The following NTM variants were observed in gnomAD, a reference collection of about 807,000 sequenced individuals.
NTM encodes the protein IgLON family member 2.
NTM carries 13 observed loss-of-function variants against 42.1 expected under a neutral mutation model. The ratio of observed to expected loss-of-function variants is 0.31; its 90% CI spans 0.20 to 0.49. The LOEUF is 0.49. NTM is among the 20% of genes least tolerant of loss of function. The pLI, the probability that NTM is intolerant of heterozygous loss-of-function variation, is 0.99. For missense variants in NTM, 373 were observed against 452.8 expected, an observed-to-expected ratio of 0.82 and a Z score of 1.60; for synonymous variants, 187 against 179.2, an observed-to-expected ratio of 1.04 and a Z score of -0.35.
In NTM at chr11:131,541,079, T is replaced by C. The variant is rs181263336; in HGVS notation, c.82+170191T>C. 3.3e-5 allele frequency among the ~76,000 whole-genome samples: 5 copies of C among 152,310 alleles called. No individual in the cohort carries two copies. In the East Asian group the frequency reaches 9.6e-4, roughly 29 times the overall value. ...AGCTGATTATTCATTAGGCATCAAA[T>C]CAATCCCCGTGCTTCTTCATTACTC... On this transcript the variant is annotated intron_variant, in intron 1 of 8. Transcript: ENST00000683400.
intron 1 of NTM, among the ~76,000 whole-genome samples, chr11:131,551,919 C>A (rs1005301884): frequency 1.3e-5 from 2 of 152,194 alleles, no homozygotes; most frequent in African/African-American, 4.8e-5. Context: ...AAAAGAGGCG[C>A]AGACCTCTTT....
At chr11:132,235,518 A>G (rs1456871830) in intron 4 of NTM, among the ~76,000 whole-genome samples, 3 of 152,210 alleles carry the variant, frequency 2.0e-5, no homozygotes, top group Non-Finnish European at 4.4e-5. Context: ...AAACAAAACT[A>G]TAAAAAGGAA....
intron 1 of NTM, among the ~76,000 whole-genome samples, chr11:131,600,012 G>A (rs780716503): frequency 6.6e-6 from 1 of 152,246 alleles, no homozygotes; most frequent in Admixed American, 6.5e-5. Flanking sequence ...TTCTCCAAAA[G>A]AGTACACATC....
chr11:131,752,089 A>T (rs1369911018), intron 1 of NTM, among the ~76,000 whole-genome samples: 1 of 152,202 alleles, frequency 6.6e-6, no homozygotes, highest in Admixed American at 6.5e-5. Flanking sequence ...TAATGGCTAG[A>T]AGTTGAAAGA....
chr11:132,142,927 G>A (rs553911491), intron 2 of NTM, among the ~76,000 whole-genome samples: 17 of 152,226 alleles, frequency 1.1e-4, no homozygotes, highest in East Asian at 3.9e-4. Context: ...CAGTCCTCTC[G>A]TGTTCATCGG....
chr11:131,513,551 G>A (rs1030568590), intron 1 of NTM, among the ~76,000 whole-genome samples: 10 of 152,182 alleles, frequency 6.6e-5, no homozygotes, highest in Non-Finnish European at 1.0e-4. Context: ...GACTGAGAGC[G>A]GCTTCCTTCC....
At chr11:131,978,450 T>G (rs1216360155) in intron 2 of NTM, among the ~76,000 whole-genome samples, 1 of 152,114 alleles carries the variant, frequency 6.6e-6, no homozygotes, top group Admixed American at 6.6e-5. Context: ...TATTAAGAAA[T>G]TAAAGCAAAC....
intron 1 of NTM, among the ~76,000 whole-genome samples, chr11:131,857,823 C>T (rs1368329351): frequency 6.6e-6 from 1 of 152,194 alleles, no homozygotes; most frequent in Admixed American, 6.5e-5. Context: ...CAATCATCCT[C>T]CCTGCACCCT....
intron 4 of NTM, among the ~76,000 whole-genome samples, chr11:132,242,384 T>G (rs918531888): frequency 1.3e-5 from 2 of 152,152 alleles, no homozygotes; most frequent in African/African-American, 4.8e-5. Context: ...GAAAAAATGT[T>G]ACATTTAGGG....
intron 2 of NTM, among the ~76,000 whole-genome samples, chr11:131,964,956 T>G (rs2134573907): frequency 6.6e-6 from 1 of 152,222 alleles, no homozygotes; most frequent in East Asian, 1.9e-4. Context: ...TCAATAAAAC[T>G]TACCCTGGCT....
chr11:131,744,646 A>T (rs1461721939), intron 1 of NTM, among the ~76,000 whole-genome samples: 1 of 152,162 alleles, frequency 6.6e-6, no homozygotes, highest in Non-Finnish European at 1.5e-5. Context: ...TGAATTTCCT[A>T]ATTGTGTTGT....
intron 3 of NTM, among the ~76,000 whole-genome samples, chr11:132,175,769 T>G (rs758045202): frequency 1.3e-5 from 2 of 152,092 alleles, no homozygotes; most frequent in Non-Finnish European, 2.9e-5. Context: ...TCCCACCTCA[T>G]TCTTTAAGAC....
chr11:132,298,804 T>A (rs1447291091), intron 4 of NTM, among the ~76,000 whole-genome samples: 1 of 152,222 alleles, frequency 6.6e-6, no homozygotes, highest in Non-Finnish European at 1.5e-5. Flanking sequence ...ATACACATAT[T>A]CAGTTCCAAC....
At chr11:132,028,077 G>C (rs1426714254) in intron 2 of NTM, among the ~76,000 whole-genome samples, 1 of 150,550 alleles carries the variant, frequency 6.6e-6, no homozygotes, top group East Asian at 1.9e-4. Context: ...CTTTTTTACA[G>C]TTTTCATTTT....
intron 1 of NTM, among the ~76,000 whole-genome samples, chr11:131,484,189 G>A (rs1426957436): frequency 1.3e-5 from 2 of 152,064 alleles, no homozygotes; most frequent in Non-Finnish European, 2.9e-5. Flanking sequence ...TATGTTAAGT[G>A]TCCTGTCTCT....
At chr11:132,015,434 C>T (rs2073215048) in intron 2 of NTM, among the ~76,000 whole-genome samples, 1 of 151,554 alleles carries the variant, frequency 6.6e-6, no homozygotes. Context: ...TGAAAAATGC[C>T]ATTGGTGTTT....
intron 2 of NTM, among the ~76,000 whole-genome samples, chr11:131,973,425 T>C (rs1167987205): frequency 1.3e-5 from 2 of 152,222 alleles, no homozygotes; most frequent in East Asian, 3.8e-4. Flanking sequence ...CCTTTATTAG[T>C]GCTTCTCATG....
rs139685356 is a variant in NTM, at chr11:131,822,060, G to A, written c.83-89504G>A. Among the ~76,000 whole-genome samples the A allele has an allele frequency of 2.7e-3, 404 of 152,214 alleles. 1 individual carries two copies. Among genetic ancestry groups the A allele is most frequent in the African/African-American group, 9.0e-3 (372 of 41,522 alleles). ...GAAACACTTTTAGAGCTCCCTTTAG[G>A]GGTACAAGAAAGGACAGGGTTCAGA... On this transcript the variant is annotated intron_variant, in intron 1 of 8. Transcript: ENST00000683400.
intron 1 of NTM, among the ~76,000 whole-genome samples, chr11:131,646,602 G>T (rs2065801846): frequency 6.6e-6 from 1 of 152,110 alleles, no homozygotes; most frequent in African/African-American, 2.4e-5. Flanking sequence ...GGACATTTTA[G>T]CATACGTGGT....
Sources: allele counts gnomAD v4.1 joint callset (sites outside exome capture counted in the v4.1 genomes callset), GRCh38; gene constraint gnomAD v4.1.1; transcripts MANE v1.5; gene names NCBI Gene and HGNC (gene_info 2026-07-23, HGNC 2026-07-21).